Variants in NELFCD observed in about 807,000 individuals in gnomAD.
NELFCD encodes negative elongation factor complex member C/D.
A neutral mutation model predicts 72.9 loss-of-function variants in NELFCD; 48 were observed. The observed-to-expected ratio is 0.66, with a 90% confidence interval of 0.52 to 0.84. NELFCD has a LOEUF of 0.84. Among genes scored for constraint, NELFCD ranks in the 40% least tolerant of loss-of-function variants. The pLI is 0.00. For missense variants in NELFCD, 538 were observed against 723.8 expected (o/e 0.74, Z 2.94); for synonymous variants, 297 against 280.6 (o/e 1.06, Z -0.59).
chr20:58,990,872 C>T (rs925858420), intron 7 of NELFCD, 38 bp from the exon 8 acceptor site: 1 of 1,561,988 alleles, frequency 6.4e-7, no homozygotes, highest in Non-Finnish European at 8.7e-7. Flanking sequence ...AAAGAAGCTG[C>T]CTTGTTAGTA....
rs376508101 is a variant in NELFCD at position 58,986,642 on chromosome 20, C to T, written c.177-112C>T. On this transcript the variant is annotated intron_variant, in intron 2 of 14. Coordinates refer to ENST00000652272, the MANE Select transcript of NELFCD (RefSeq NM_198976.4). This position sits in a 1 kb window ranked among gnomAD's most constrained non-coding sequence, Gnocchi z 4.4. ...ACAGGTGTGCACCACTGCACCCAGCCCCCTCCGCTGCTTTAAAAATTTTGA... is the reference window on the plus strand; with the variant it reads ...ACAGGTGTGCACCACTGCACCCAGCTCCCTCCGCTGCTTTAAAAATTTTGA... 2.0e-5 allele frequency: 16 copies of T among 796,754 alleles called. No individual in the cohort carries two copies. The highest frequency in any genetic ancestry group is 6.4e-4 in the Middle Eastern group (2 of 3,124). The allele number at this position is 796,754 out of a possible 1,614,324, so 49.4% of individuals were successfully genotyped here. A position where few individuals can be genotyped will look rare whatever the true frequency, so the allele number is the denominator to read the frequency against.
rs1366803546 is a variant in NELFCD at position 58,991,345 on chromosome 20, C to T, written c.988C>T (p.Gln330Ter). The T allele has an allele frequency of 6.2e-7, 1 of 1,614,078 alleles. No homozygotes were observed. The highest frequency in any genetic ancestry group is 8.5e-7 in the Non-Finnish European group (1 of 1,180,050). Residue 330 changes from glutamine (Q) to a stop codon, truncating the protein, a stop_gained, in exon 9 of 15, where the codon CAG (glutamine) becomes TAG (stop). Transcript: ENST00000652272. LOFTEE classifies it high-confidence loss of function. ...TCCAGCCTTCCTGGACCTGTTCATG[C>T]AGTCACTCTTTAAACCAGGGGCTCG... is the stretch of plus-strand genomic sequence containing the variant. ...RVPAFLDLFM[Q>*]SLFKPGARIN...
intron 1 of NELFCD, among the ~76,000 whole-genome samples, chr20:58,985,853 G>A (rs1280480277): frequency 6.6e-6 from 1 of 152,158 alleles, no homozygotes; most frequent in Non-Finnish European, 1.5e-5. Flanking sequence ...GGTAACTTGT[G>A]TGAGCATGGA....
chr20:58,994,654 C>A lies in NELFCD; in HGVS notation c.1724C>A (p.Ser575Tyr). 6.2e-7 allele frequency: 1 copy of A among 1,609,346 alleles called. No homozygotes were observed. The highest frequency in any genetic ancestry group is 1.1e-5 in the South Asian group (1 of 90,944). Residue 575 changes from serine (S) to tyrosine (Y), a missense_variant, in exon 15 of 15, where the codon TCT (serine) becomes TAT (tyrosine). Coordinates refer to ENST00000652272, the MANE Select transcript of NELFCD (RefSeq NM_198976.4). ...PVTEFIAHCK[S>Y]NFIMVN is the part of the protein sequence containing the mutation. The stretch of plus-strand genomic sequence containing the variant: ...TTCCTCGTTAAAGCTCACTGCAAAT[C>A]TAACTTCATCATGGTGAACTAATTT...
intron 7 of NELFCD, 95 bp from the exon 8 acceptor site, chr20:58,990,815 C>A: frequency 8.9e-7 from 1 of 1,129,064 alleles, no homozygotes. Context: ...GACAGAAAAA[C>A]AGATCCCAAC....
chr20:58,984,705 G>A (rs1269616780), intron 1 of NELFCD, among the ~76,000 whole-genome samples: 1 of 152,212 alleles, frequency 6.6e-6, no homozygotes, highest in Non-Finnish European at 1.5e-5. Flanking sequence ...AAATGAGAAT[G>A]GAATGTTGGA....
Position 58,994,221 on chromosome 20 carries a change from C to A in NELFCD, c.1693C>A (p.Pro565Thr), listed in dbSNP as rs756761445. The A allele has an allele frequency of 2.5e-6, 4 of 1,614,086 alleles. No homozygotes were observed. Among genetic ancestry groups the A allele is most frequent in the Non-Finnish European group, 3.4e-6 (4 of 1,179,992 alleles). The change falls in exon 14 of 15, where the codon CCT (proline) becomes ACT (threonine). Residue 565 changes from proline (P) to threonine (T), a missense_variant. Physicochemically the swap from Pro to Thr is conservative, Grantham distance 38. Transcript: ENST00000652272. ...GTIKTEGEHD[P>T]VTEFIAHCKS... The stretch of plus-strand genomic sequence containing the variant: ...CATCAAAACGGAAGGCGAGCATGAC[C>A]CTGTGACGGAGTTTATAGGTGAGGC...
At chr20:58,982,853 G>A (rs2091745711) in intron 1 of NELFCD, among the ~76,000 whole-genome samples, 1 of 152,164 alleles carries the variant, frequency 6.6e-6, no homozygotes, top group Non-Finnish European at 1.5e-5. Context: ...CTGAGAGCTT[G>A]GGCCATGTGT....
Position 58,989,540 on chromosome 20 carries a change from G to A in NELFCD, c.557G>A (p.Cys186Tyr). The A allele has an allele frequency of 6.2e-7, 1 of 1,614,174 alleles. No individual in the cohort carries two copies. Among genetic ancestry groups the A allele is most frequent in the Non-Finnish European group, 8.5e-7 (1 of 1,180,028 alleles). The change falls in exon 6 of 15, where the codon TGC becomes TAC. Residue 186 changes from cysteine to tyrosine, a missense_variant. This residue lies in a region of NELFCD where 355 missense variants were observed against 534.5 expected (regional missense o/e 0.66). Coordinates refer to ENST00000652272, the MANE Select transcript of NELFCD (RefSeq NM_198976.4). ...QGEITSVSTA[C>Y]QQLEVFSRVL... ...GAGATCACCAGTGTGTCCACAGCAT[G>A]CCAGCAGCTAGAAGTGTTCTCGAGA...
At position 58,981,262 on chromosome 20, in the gene NELFCD, C is replaced by T. The variant is rs1203598784; in HGVS notation, c.-48C>T. 8 of 1,033,398 alleles carry T rather than the reference C, an allele frequency of 7.7e-6. No individual in the cohort carries two copies. Among genetic ancestry groups the T allele is most frequent in the Non-Finnish European group, 8.1e-6 (7 of 862,084 alleles). 64.0% of individuals were successfully genotyped at this position (1,033,398 alleles called of 1,614,324 possible). On this transcript the variant is annotated 5_prime_UTR_variant, in exon 1 of 15. Transcript: ENST00000652272. ...GCCCGTCCCCGCCTCGCGCATGCGC[C>T]GCGCTCGCTCGCGGGAGGGCATGGC... is the stretch of plus-strand genomic sequence containing the variant.
At chr20:58,981,651 C>T (rs1249743256) in intron 1 of NELFCD, among the ~76,000 whole-genome samples, 2 of 151,372 alleles carry the variant, frequency 1.3e-5, no homozygotes, top group East Asian at 3.9e-4. Flanking sequence ...GGCCCGAGGC[C>T]CCCAGTACCC....
chr20:58,992,143 A>C, intron 10 of NELFCD, 123 bp downstream of exon 10: 1 of 1,083,814 alleles, frequency 9.2e-7, no homozygotes, highest in Admixed American at 2.6e-5. Flanking sequence ...TTATTTTTTC[A>C]TTTTTAAACA....
chr20:58,986,082 TTTA>T lies in NELFCD; in HGVS notation c.61-10_61-8del. 6.3e-7 allele frequency: 1 copy of T among 1,585,054 alleles called. No individual in the cohort carries two copies. Among genetic ancestry groups the T allele is most frequent in the Non-Finnish European group, 8.7e-7 (1 of 1,153,444 alleles). On this transcript the variant is annotated splice_polypyrimidine_tract_variant and splice_region_variant and intron_variant, in intron 1 of 14. Transcript: ENST00000652272. This position sits in a 1 kb window ranked among gnomAD's most constrained non-coding sequence, Gnocchi z 4.4. ...GAAAAAAATATCCTGGCTCTTCGCA[TTTA>T]CCAACAGCAGGAGGATGATTCTGGA...
At position 58,993,760 on chromosome 20, in the gene NELFCD, CTG is replaced by C; in HGVS notation, c.1578_1579del (p.Glu527GlyfsTer12). On this transcript the variant is annotated frameshift_variant and splice_region_variant, in exon 13 of 15. Transcript: ENST00000652272. LOFTEE classifies it high-confidence loss of function. The surrounding 1 kb of genome is among the most constrained non-coding windows in gnomAD (Gnocchi z 5.0). ...ATTTCACTCATTCGCTATTTTGTCA[CTG>C]AGGTCAGCAATGCACCGTTGGTTTC... The C allele has an allele frequency of 6.2e-7, 1 of 1,614,120 alleles. No homozygotes were observed. The highest frequency in any genetic ancestry group is 8.5e-7 in the Non-Finnish European group (1 of 1,179,996).
chr20:58,987,684 C>G (rs2091782400), intron 3 of NELFCD, 24 bp from the exon 4 acceptor site: 2 of 1,586,086 alleles, frequency 1.3e-6, no homozygotes, highest in Non-Finnish European at 1.7e-6. Flanking sequence ...TTGCCATTGT[C>G]TAGTTGCTTT....
At position 58,993,883 on chromosome 20, in the gene NELFCD, C is replaced by T; in HGVS notation, c.1581+119C>T. 1.6e-6 allele frequency: 2 copies of T among 1,270,968 alleles called. No homozygotes were observed. Among genetic ancestry groups the T allele is most frequent in the East Asian group, 2.3e-5 (1 of 43,104 alleles). The allele number at this position is 1,270,968 out of a possible 1,614,324, so 78.7% of individuals were successfully genotyped here. On this transcript the variant is annotated intron_variant, in intron 13 of 14. Transcript: ENST00000652272. The surrounding 1 kb of genome is among the most constrained non-coding windows in gnomAD (Gnocchi z 5.0). ...ACTGTGCTTTCTGATGTAGTGATGACAATGACAGATACTCGTTTACCAAAA... is the reference window on the plus strand; with the variant it reads ...ACTGTGCTTTCTGATGTAGTGATGATAATGACAGATACTCGTTTACCAAAA...
Position 58,994,667 on chromosome 20 carries a change from G to A in NELFCD, c.1737G>A (p.Met579Ile). 1.9e-6 allele frequency: 3 copies of A among 1,611,964 alleles called. No homozygotes were observed. Among genetic ancestry groups the A allele is most frequent in the Middle Eastern group, 1.7e-4 (1 of 6,060 alleles). ...FIAHCKSNFI[M>I]VN ...CTCACTGCAAATCTAACTTCATCATGGTGAACTAATTTAGAGCATCCTCCA... is the reference window on the plus strand; with the variant it reads ...CTCACTGCAAATCTAACTTCATCATAGTGAACTAATTTAGAGCATCCTCCA... The change falls in exon 15 of 15, where the codon ATG becomes ATA. Residue 579 changes from methionine to isoleucine, a missense_variant. Around this residue, in one of 3 missense-constraint regions of NELFCD, gnomAD observed 136 missense variants for 154.0 expected, o/e 0.88. Transcript: ENST00000652272.
chr20:58,993,278 A>C lies in NELFCD; in HGVS notation c.1344+166A>C, dbSNP rs1441656060. ...TTAAGGACCTAGCTTCATTGACTGCAGAAATTTCTTAACCTCAGTCAAGTG... is the reference window on the plus strand; with the variant it reads ...TTAAGGACCTAGCTTCATTGACTGCCGAAATTTCTTAACCTCAGTCAAGTG... On this transcript the variant is annotated intron_variant, in intron 11 of 14. Coordinates refer to ENST00000652272, the MANE Select transcript of NELFCD (RefSeq NM_198976.4). This position sits in a 1 kb window ranked among gnomAD's most constrained non-coding sequence, Gnocchi z 5.0. The C allele has an allele frequency of 8.6e-6, 7 of 813,214 alleles. No homozygotes were observed. The highest frequency in any genetic ancestry group is 1.4e-5 in the Non-Finnish European group (7 of 510,582). The allele number at this position is 813,214 out of a possible 1,614,324, so 50.4% of individuals were successfully genotyped here.
At position 58,993,095 on chromosome 20, in the gene NELFCD, C is replaced by T; in HGVS notation, c.1327C>T (p.Leu443=). The part of the protein sequence containing the change: ...QLQTDHTPVH[L]ALLDEISTCH... ...GCAGACTGACCATACCCCTGTCCACCTGGCGTTGCTGGATGAGGTAAGAGG... is the reference window on the plus strand; with the variant it reads ...GCAGACTGACCATACCCCTGTCCACTTGGCGTTGCTGGATGAGGTAAGAGG... The change falls in exon 11 of 15, where the codon CTG becomes TTG. Residue 443 remains leucine (L), a synonymous_variant. Transcript: ENST00000652272. This position sits in a 1 kb window ranked among gnomAD's most constrained non-coding sequence, Gnocchi z 5.0. 6.2e-7 allele frequency: 1 copy of T among 1,613,952 alleles called. No individual in the cohort carries two copies. Among genetic ancestry groups the T allele is most frequent in the Non-Finnish European group, 8.5e-7 (1 of 1,179,824 alleles).
Sources: gnomAD v4.1 joint callset for allele counts (sites outside exome capture counted in the v4.1 genomes callset) on GRCh38, gnomAD v4.1.1 for gene constraint, gnomAD v4.1.1 regional missense constraint, Gnocchi (gnomAD v3.1) non-coding constraint, MANE v1.5 for transcripts, NCBI Gene and HGNC (gene_info 2026-07-23, HGNC 2026-07-21) for gene names.